Variants in LRRC37A2 observed in about 807,000 individuals in gnomAD.
LRRC37A2 encodes leucine-rich repeat-containing protein 37A2.
In LRRC37A2, 9 loss-of-function variants were observed where a neutral mutation model predicts 68.8. The observed-to-expected ratio is 0.13, with a 90% CI of 0.08 to 0.23. The LOEUF (loss-of-function observed/expected upper bound fraction) is 0.23. Among genes scored for constraint, LRRC37A2 ranks in the 10% least tolerant of loss-of-function variants. The pLI is 1.00. For synonymous variants in LRRC37A2, 63 were observed against 367.6 expected (o/e 0.17, Z 9.48); for missense variants, 168 against 950.4 (o/e 0.18, Z 10.82).
At chr17:46,734,518 A>G in the LRRC37A2 span, among the ~76,000 whole-genome samples, 1 of 152,134 alleles carries the variant, frequency 6.6e-6, no homozygotes, top group Non-Finnish European at 1.5e-5. Context: ...ATTTTCTTGG[A>G]AAGTCCTTTG....
At chr17:46,486,970 G>A in the LRRC37A2 span, 3 of 598,752 alleles carry the variant, frequency 5.0e-6, no homozygotes, top group East Asian at 3.2e-5. Context: ...CAAGAGTTAC[G>A]TTCTTAAATT....
At chr17:46,456,288 G>A in the LRRC37A2 span, among the ~76,000 whole-genome samples, 10 of 81,602 alleles carry the variant, frequency 1.2e-4, 1 homozygote, top group Admixed American at 2.5e-4. Flanking sequence ...ATAATTTATC[G>A]TTATATGTAA....
the LRRC37A2 span, among the ~76,000 whole-genome samples, chr17:47,036,727 G>A: frequency 1.3e-5 from 2 of 150,698 alleles, no homozygotes; most frequent in African/African-American, 4.9e-5. Context: ...GTATCACACT[G>A]TGATTGCTGT....
chr17:46,941,447 A>G, the LRRC37A2 span: 3 of 984,056 alleles, frequency 3.0e-6, no homozygotes, highest in Non-Finnish European at 3.6e-6. Flanking sequence ...AGATTCTCAA[A>G]CACTGCTCCA....
At chr17:46,709,774 C>CT in the LRRC37A2 span, among the ~76,000 whole-genome samples, 1 of 152,148 alleles carries the variant, frequency 6.6e-6, no homozygotes, top group Admixed American at 6.5e-5. Context: ...GGATTATAGG[C>CT]TTGAGTCACT....
the LRRC37A2 span, among the ~76,000 whole-genome samples, chr17:46,986,404 C>A: frequency 6.6e-6 from 1 of 152,242 alleles, no homozygotes; most frequent in East Asian, 1.9e-4. Flanking sequence ...ATGCTAGTAA[C>A]TATTATTTAT....
the LRRC37A2 span, among the ~76,000 whole-genome samples, chr17:46,858,832 A>G: frequency 6.6e-6 from 1 of 151,902 alleles, no homozygotes; most frequent in African/African-American, 2.4e-5. Context: ...ACGCCCAGCT[A>G]ATTTTTTATT....
rs2056529095 is a variant in LRRC37A2 at position 46,549,100 on chromosome 17, G to T, written c.3961G>T (p.Val1321Phe). The T allele has an allele frequency of 3.7e-6, 6 of 1,611,846 alleles. No homozygotes were observed. In the East Asian group the frequency reaches 1.3e-4, roughly 36 times the overall value. The change falls in exon 10 of 15, where the codon GTC becomes TTC. Residue 1321 changes from valine to phenylalanine, a missense_variant. By Grantham distance (50) the Val-to-Phe change is conservative. Coordinates refer to ENST00000576629, the Ensembl canonical transcript of LRRC37A2. ...CCACGTGACCCACAGAACACCCAAA[G>T]TCAAAAAGAGTCCAAAGGTCAGAAA... is the stretch of plus-strand genomic sequence containing the variant.
the LRRC37A2 span, among the ~76,000 whole-genome samples, chr17:46,918,626 CACACACACACACAT>C: frequency 5.7e-4 from 84 of 147,612 alleles, no homozygotes; most frequent in African/African-American, 1.8e-3. Flanking sequence ...CACACACACA[CACACACACACACAT>C]ACAATTTCCC....
chr17:46,869,925 G>T, the LRRC37A2 span, among the ~76,000 whole-genome samples: 1 of 152,032 alleles, frequency 6.6e-6, no homozygotes, highest in East Asian at 1.9e-4. Context: ...CTTGAACCCG[G>T]GAAGTGGAGG....
the LRRC37A2 span, among the ~76,000 whole-genome samples, chr17:46,776,051 C>T: frequency 6.6e-6 from 1 of 152,202 alleles, no homozygotes; most frequent in African/African-American, 2.4e-5. Flanking sequence ...TTATTAGCCC[C>T]ATTTTACAGA....
the LRRC37A2 span, among the ~76,000 whole-genome samples, chr17:46,742,680 T>C: frequency 6.6e-6 from 1 of 152,052 alleles, no homozygotes; most frequent in Non-Finnish European, 1.5e-5. Context: ...CCTGTGTGGC[T>C]ATGGAAGGGA....
chr17:46,904,482 A>G, the LRRC37A2 span, among the ~76,000 whole-genome samples: 2 of 136,102 alleles, frequency 1.5e-5, no homozygotes, highest in African/African-American at 5.5e-5. Flanking sequence ...GGATGGATGG[A>G]TGGATGGATG....
the LRRC37A2 span, chr17:46,924,473 A>G: frequency 1.3e-5 from 2 of 152,228 alleles, no homozygotes; most frequent in Non-Finnish European, 2.9e-5. Flanking sequence ...TTTGAGGTAT[A>G]TACCTATCCT....
the LRRC37A2 span, among the ~76,000 whole-genome samples, chr17:46,880,956 G>A: frequency 6.6e-6 from 1 of 152,190 alleles, no homozygotes; most frequent in African/African-American, 2.4e-5. Context: ...GGGGCCTTCA[G>A]GGACCTACAG....
At chr17:46,876,147 T>A in the LRRC37A2 span, 1 of 1,187,146 alleles carries the variant, frequency 8.4e-7, no homozygotes, top group Non-Finnish European at 1.2e-6. Flanking sequence ...TCTTTCCCAT[T>A]CTCCTGCCTC....
the LRRC37A2 span, among the ~76,000 whole-genome samples, chr17:46,958,375 C>T: frequency 5.3e-5 from 8 of 152,178 alleles, no homozygotes; most frequent in Admixed American, 3.9e-4. Context: ...GTTGCAACAG[C>T]GGGAGCTAGC....
chr17:46,823,926 G>A, the LRRC37A2 span, among the ~76,000 whole-genome samples: 1 of 152,222 alleles, frequency 6.6e-6, no homozygotes, highest in East Asian at 1.9e-4. Context: ...CTGACGGAAT[G>A]CCAGACTGCG....
At chr17:47,009,675 C>T in the LRRC37A2 span, among the ~76,000 whole-genome samples, 3 of 152,200 alleles carry the variant, frequency 2.0e-5, no homozygotes, top group African/African-American at 7.2e-5. Context: ...TAAAGTGGTG[C>T]CCCCAGGAGC....
Sources: allele counts gnomAD v4.1 joint callset (sites outside exome capture counted in the v4.1 genomes callset), GRCh38; gene constraint gnomAD v4.1.1; transcripts MANE v1.5; gene names NCBI Gene and HGNC (gene_info 2026-07-23, HGNC 2026-07-21).